Variants in NUDCD3 observed in about 807,000 individuals in gnomAD.
NUDCD3 encodes the protein nudC domain-containing protein 3.
Under a neutral mutation model 39.7 loss-of-function variants are expected in NUDCD3, and 13 were observed. That is an observed-to-expected ratio of 0.33 (90% CI 0.21 to 0.52). NUDCD3 has a LOEUF of 0.52. Among genes scored for constraint, NUDCD3 ranks in the 20% least tolerant of loss-of-function variants. NUDCD3 has a pLI of 0.96. For synonymous variants in NUDCD3, 175 were observed against 172.4 expected (o/e 1.02, Z -0.12); for missense variants, 453 against 458.1 (o/e 0.99, Z 0.10).
chr7:44,441,446 T>C (rs932460024), intron 2 of NUDCD3, among the ~76,000 whole-genome samples: 6 of 152,134 alleles, frequency 3.9e-5, no homozygotes, highest in Non-Finnish European at 7.4e-5. Flanking sequence ...GAATTCCACA[T>C]TGTCCAATTT....
At chr7:44,490,206 T>C in intron 1 of NUDCD3, 1 of 564,014 alleles carries the variant, frequency 1.8e-6, no homozygotes, top group Non-Finnish European at 3.0e-6. Flanking sequence ...TTCTGAAACC[T>C]CAGGACGTCC....
At chr7:44,394,214 A>G (rs777464788) in intron 4 of NUDCD3, among the ~76,000 whole-genome samples, 1 of 152,174 alleles carries the variant, frequency 6.6e-6, no homozygotes, top group Non-Finnish European at 1.5e-5. Flanking sequence ...CCGAATGCAG[A>G]TAGGGGGAGT....
intron 3 of NUDCD3, among the ~76,000 whole-genome samples, chr7:44,407,566 C>CAAAAA (rs758475229): frequency 4.1e-5 from 2 of 48,376 alleles, no homozygotes; most frequent in African/African-American, 1.4e-4. Flanking sequence ...AATTCTGTCT[C>CAAAAA]AAAAAAAAAA....
intron 3 of NUDCD3, among the ~76,000 whole-genome samples, chr7:44,423,427 A>T (rs989655228): frequency 6.6e-6 from 1 of 152,236 alleles, no homozygotes; most frequent in Non-Finnish European, 1.5e-5. Flanking sequence ...TTAAGCTGAT[A>T]AGCAACTTCG....
Position 44,392,297 on chromosome 7 carries a change from C to A in NUDCD3, c.975G>T (p.Leu325=), listed in dbSNP as rs868590558. The A allele has an allele frequency of 4.3e-6, 7 of 1,613,442 alleles. No homozygotes were observed. In the African/African-American group the frequency reaches 9.3e-5, roughly 22 times the overall value. The change falls in exon 5 of 6, where the codon CTG becomes CTT. Residue 325 remains leucine (L), a splice_region_variant and synonymous_variant. Coordinates refer to ENST00000355451, the MANE Select transcript of NUDCD3 (RefSeq NM_015332.4). ...CTCTCCAGGACTGCCATGCTCGTAC[C>A]AGCTCATGGCTCTGTGGCTTGCCCT... is the stretch of plus-strand genomic sequence containing the variant. ...KLQGKPQSHE[L]KVHEMLKKGW...
At chr7:44,451,810 G>A (rs1237520675) in intron 2 of NUDCD3, among the ~76,000 whole-genome samples, 1 of 152,104 alleles carries the variant, frequency 6.6e-6, no homozygotes, top group African/African-American at 2.4e-5. Flanking sequence ...TTGAAAAGAA[G>A]GTGGGCAAAG....
chr7:44,406,800 C>CAGATG (rs1395321370), intron 3 of NUDCD3, among the ~76,000 whole-genome samples: 1 of 152,152 alleles, frequency 6.6e-6, no homozygotes, highest in East Asian at 1.9e-4. Context: ...AGGCCAGGAA[C>CAGATG]AGATGAGATG....
chr7:44,439,526 A>AGGACT (rs1178830081), intron 2 of NUDCD3, among the ~76,000 whole-genome samples: 1 of 151,832 alleles, frequency 6.6e-6, no homozygotes, highest in Non-Finnish European at 1.5e-5. Flanking sequence ...GGCTGATTCT[A>AGGACT]GGACTGGAAC....
intron 2 of NUDCD3, among the ~76,000 whole-genome samples, chr7:44,456,037 A>AC (rs1563182550): frequency 7.7e-6 from 1 of 130,264 alleles, no homozygotes; most frequent in Non-Finnish European, 1.7e-5. Flanking sequence ...AAAAAAAAAA[A>AC]AAAAAAAAAA....
At chr7:44,447,439 A>G (rs1799709276) in intron 2 of NUDCD3, among the ~76,000 whole-genome samples, 1 of 152,218 alleles carries the variant, frequency 6.6e-6, no homozygotes, top group South Asian at 2.1e-4. Flanking sequence ...AGAAGTGATT[A>G]GGTTATGAGG....
At chr7:44,393,356 C>G (rs1372470521) in intron 4 of NUDCD3, among the ~76,000 whole-genome samples, 2 of 152,198 alleles carry the variant, frequency 1.3e-5, no homozygotes, top group Non-Finnish European at 1.5e-5. Context: ...ACAACTGGAA[C>G]TGCAGTATGA....
intron 3 of NUDCD3, among the ~76,000 whole-genome samples, chr7:44,425,020 T>C (rs748075673): frequency 1.3e-4 from 20 of 152,120 alleles, no homozygotes; most frequent in Non-Finnish European, 2.2e-4. Flanking sequence ...GAAACCATCA[T>C]CCTGAGCAAA....
At chr7:44,447,416 T>TGTGAC (rs1222641521) in intron 2 of NUDCD3, among the ~76,000 whole-genome samples, 2 of 152,226 alleles carry the variant, frequency 1.3e-5, no homozygotes, top group Admixed American at 1.3e-4. Flanking sequence ...TAATGGCCAA[T>TGTGAC]GTGACGGTAT....
chr7:44,480,384 T>C (rs1396456089), intron 2 of NUDCD3, among the ~76,000 whole-genome samples: 2 of 152,240 alleles, frequency 1.3e-5, no homozygotes, highest in African/African-American at 2.4e-5. Flanking sequence ...TCCACCACTC[T>C]GTGATTACTA....
In NUDCD3 at chr7:44,382,773, T is replaced by C. The variant is rs900821739; in HGVS notation, c.*3238A>G. On this transcript the variant is annotated 3_prime_UTR_variant, in exon 6 of 6. Transcript: ENST00000355451. ...CTGAGCTGGCTGCCAACAGGCCCAG[T>C]GGAGAGCAGATTTGAGGTGGGGGTG... 2.0e-5 allele frequency: 3 copies of C among 152,392 alleles called. No individual in the cohort carries two copies. The highest frequency in any genetic ancestry group is 6.5e-5 in the Admixed American group (1 of 15,286). The allele number at this position is 152,392 out of a possible 1,614,324, so 9.4% of individuals were successfully genotyped here.
At chr7:44,402,066 C>T (rs1397471726) in intron 4 of NUDCD3, among the ~76,000 whole-genome samples, 1 of 152,174 alleles carries the variant, frequency 6.6e-6, no homozygotes, top group African/African-American at 2.4e-5. Flanking sequence ...TTCCCAGCCC[C>T]GACAGGTCTG....
intron 2 of NUDCD3, among the ~76,000 whole-genome samples, chr7:44,470,957 T>C (rs1248149067): frequency 6.6e-6 from 1 of 152,226 alleles, no homozygotes; most frequent in African/African-American, 2.4e-5. Flanking sequence ...ATGAGATATG[T>C]TAAAATTCAA....
intron 2 of NUDCD3, among the ~76,000 whole-genome samples, chr7:44,436,454 T>C (rs1469300126): frequency 1.3e-5 from 2 of 152,298 alleles, no homozygotes; most frequent in East Asian, 1.9e-4. Flanking sequence ...GGAGCAGAAC[T>C]TCTAGGTCAA....
intron 2 of NUDCD3, among the ~76,000 whole-genome samples, chr7:44,454,966 CA>C (rs1370795606): frequency 2.0e-5 from 3 of 151,982 alleles, no homozygotes; most frequent in Non-Finnish European, 2.9e-5. Context: ...CACACACACA[CA>C]CCCTTTCTTT....
Sources: allele counts gnomAD v4.1 joint callset (sites outside exome capture counted in the v4.1 genomes callset), GRCh38; gene constraint gnomAD v4.1.1; transcripts MANE v1.5; gene names NCBI Gene and HGNC (gene_info 2026-07-23, HGNC 2026-07-21).